PLA2R1: variants seen among roughly 807,000 people sequenced by gnomAD.
The protein encoded by PLA2R1 is secretory phospholipase A2 receptor.
A neutral mutation model predicts 195.9 loss-of-function variants in PLA2R1; 158 were observed. The observed-to-expected ratio is 0.81, with a 90% CI of 0.71 to 0.92. The LOEUF is 0.92. PLA2R1 is among the 40% of genes least tolerant of loss of function. The pLI, the probability that PLA2R1 is intolerant of heterozygous loss-of-function variation, is 0.00. For synonymous variants in PLA2R1, 586 were observed against 598.2 expected (o/e 0.98, Z 0.30); for missense variants, 1,626 against 1,764.6 (o/e 0.92, Z 1.41).
At chr2:159,924,737 G>GGC in the PLA2R1 span, among the ~76,000 whole-genome samples, 1,138 of 149,598 alleles carry the variant, frequency 7.6e-3, 19 homozygotes, top group African/African-American at 0.026. Context: ...GCTGGGGGGG[G>GGC]GGCGGTGCGA....
chr2:159,954,819 G>C (rs1415036044), intron 23 of PLA2R1, among the ~76,000 whole-genome samples: 1 of 151,720 alleles, frequency 6.6e-6, no homozygotes, highest in East Asian at 1.9e-4. Context: ...CCATTTTCAG[G>C]GTTCCAAAAA....
chr2:160,012,139 T>C (rs755712535), intron 10 of PLA2R1, among the ~76,000 whole-genome samples: 1 of 152,184 alleles, frequency 6.6e-6, no homozygotes, highest in Non-Finnish European at 1.5e-5. Flanking sequence ...TAGGCTTATA[T>C]GGGAAGGGTC....
chr2:160,016,477 G>GT (rs1692765548), intron 9 of PLA2R1, 137 bp downstream of exon 9: 3 of 587,678 alleles, frequency 5.1e-6, no homozygotes, highest in Non-Finnish European at 9.1e-6. Flanking sequence ...AAGAAGGGGG[G>GT]GGTGCGAGGA....
rs188389905 is a variant in PLA2R1, at chr2:159,979,029, A to C, written c.2268+801T>G. Among the ~76,000 whole-genome samples, 55 of 152,336 alleles carry C rather than the reference A, an allele frequency of 3.6e-4. 1 individual carries two copies. The East Asian group carries it at 0.01, about 28-fold the overall frequency. On this transcript the variant is annotated intron_variant, in intron 14 of 29. Coordinates refer to ENST00000283243, the MANE Select transcript of PLA2R1 (RefSeq NM_007366.5). ...GTTATTGTAAGGATGAAATGAGATCATGTAGGAGTGCATTCAGCTCAGCGC... is the reference window on the plus strand; with the variant it reads ...GTTATTGTAAGGATGAAATGAGATCCTGTAGGAGTGCATTCAGCTCAGCGC...
At chr2:159,974,375 A>C (rs763220577) in intron 17 of PLA2R1, among the ~76,000 whole-genome samples, 1 of 152,194 alleles carries the variant, frequency 6.6e-6, no homozygotes, top group Non-Finnish European at 1.5e-5. Context: ...ACCTGTAAAA[A>C]TGTACTAATA....
intron 11 of PLA2R1, among the ~76,000 whole-genome samples, chr2:160,001,779 T>C (rs1343439153): frequency 6.6e-6 from 1 of 151,912 alleles, no homozygotes; most frequent in African/African-American, 2.4e-5. Flanking sequence ...TCTAAACTTG[T>C]ATGTTCCTAA....
Position 159,932,947 on chromosome 2 carries a change from T to C in PLA2R1, c.*8831A>G, listed in dbSNP as rs1232634675. 2.0e-5 allele frequency: 3 copies of C among 150,874 alleles called. No individual in the cohort carries two copies. Among genetic ancestry groups the C allele is most frequent in the African/African-American group, 7.3e-5 (3 of 41,140 alleles). The allele number at this position is 150,874 out of a possible 1,614,324, so 9.3% of individuals were successfully genotyped here. On this transcript the variant is annotated 3_prime_UTR_variant, in exon 30 of 30. Transcript: ENST00000283243. Reference sequence around the variant, plus strand: ...TTACATTAATCTTGAAAAATCAATTTCCATTAATAGAAGCACAGGAAACAA... The same window carrying C: ...TTACATTAATCTTGAAAAATCAATTCCCATTAATAGAAGCACAGGAAACAA...
chr2:160,013,666 CCTCTCTCTTTCT>C (rs1558926464), intron 9 of PLA2R1, among the ~76,000 whole-genome samples: 3 of 95,008 alleles, frequency 3.2e-5, no homozygotes, highest in Non-Finnish European at 7.6e-5. Context: ...AAGATCTCTA[CCTCTCTCTTTCT>C]CTCTCTCTCT....
intron 17 of PLA2R1, among the ~76,000 whole-genome samples, chr2:159,975,097 A>C (rs1033864892): frequency 1.3e-5 from 2 of 152,168 alleles, no homozygotes; most frequent in African/African-American, 4.8e-5. Flanking sequence ...TCCCGCCTTC[A>C]TGCCCCCATT....
chr2:160,028,384 T>C, intron 5 of PLA2R1, 23 bp from the exon 6 acceptor site: 1 of 1,568,316 alleles, frequency 6.4e-7, no homozygotes, highest in Non-Finnish European at 8.8e-7. Context: ...TGAGTGTCTT[T>C]AATATTAGAA....
intron 10 of PLA2R1, among the ~76,000 whole-genome samples, chr2:160,009,463 G>A (rs944216795): frequency 6.6e-6 from 1 of 152,210 alleles, no homozygotes; most frequent in Admixed American, 6.5e-5. Flanking sequence ...CCACTTATAT[G>A]AGACATGTAG....
At chr2:160,055,816 G>C (rs900533097) in intron 1 of PLA2R1, among the ~76,000 whole-genome samples, 5 of 152,186 alleles carry the variant, frequency 3.3e-5, no homozygotes, top group African/African-American at 1.2e-4. Context: ...CTCCCCAGCT[G>C]TTAGAAAATA....
chr2:159,948,557 A>C (rs1397663125), intron 25 of PLA2R1, among the ~76,000 whole-genome samples: 1 of 151,122 alleles, frequency 6.6e-6, no homozygotes, highest in African/African-American at 2.4e-5. Flanking sequence ...AGAAGTTTCA[A>C]TGAGTTAGAG....
At chr2:160,017,955 T>C (rs537772943) in intron 8 of PLA2R1, among the ~76,000 whole-genome samples, 2 of 152,344 alleles carry the variant, frequency 1.3e-5, no homozygotes, top group East Asian at 3.9e-4. Context: ...AGTTAAGAAC[T>C]GTTAGATGAA....
intron 6 of PLA2R1, among the ~76,000 whole-genome samples, chr2:160,023,328 G>A (rs772299171): frequency 6.6e-6 from 1 of 152,146 alleles, no homozygotes; most frequent in Non-Finnish European, 1.5e-5. Context: ...TAAAGAAGCT[G>A]GCCAAAACCC....
At position 160,061,468 on chromosome 2, in the gene PLA2R1, C is replaced by A. The variant is rs1695945441; in HGVS notation, c.109+827G>T. Among the ~76,000 whole-genome samples, 3 of 152,276 alleles carry A rather than the reference C, an allele frequency of 2.0e-5. No individual in the cohort carries two copies. In the South Asian group the frequency reaches 6.2e-4, roughly 32 times the overall value. On this transcript the variant is annotated intron_variant, in intron 1 of 29. Transcript: ENST00000283243. ...TTCATGGAGCCACTGGGGCTTCTCT[C>A]CCTCACCTGGCCTGATGTTTTCAGG...
chr2:159,966,532 A>G (rs576719430), intron 20 of PLA2R1, among the ~76,000 whole-genome samples: 1 of 152,366 alleles, frequency 6.6e-6, no homozygotes, highest in East Asian at 1.9e-4. Context: ...GGTGAATTCT[A>G]TATTGTGTGT....
intron 11 of PLA2R1, among the ~76,000 whole-genome samples, chr2:160,004,648 T>C (rs1328380895): frequency 1.3e-5 from 2 of 152,220 alleles, no homozygotes; most frequent in Non-Finnish European, 2.9e-5. Context: ...CTCTTTGCTG[T>C]TGTCTCTGGC....
intron 11 of PLA2R1, among the ~76,000 whole-genome samples, chr2:159,991,442 T>TC (rs1394782689): frequency 2.6e-4 from 39 of 149,990 alleles, no homozygotes; most frequent in Non-Finnish European, 5.0e-4. Context: ...TTTCTTTCTT[T>TC]TTTTTTTTTT....
Sources: allele counts gnomAD v4.1 joint callset (sites outside exome capture counted in the v4.1 genomes callset), GRCh38; gene constraint gnomAD v4.1.1; transcripts MANE v1.5; gene names NCBI Gene and HGNC (gene_info 2026-07-23, HGNC 2026-07-21).